Variants in PROX1 observed in about 807,000 individuals in gnomAD.
PROX1 encodes prospero homeobox protein 1.
A neutral mutation model predicts 58.8 loss-of-function variants in PROX1; 7 were observed. The ratio of observed to expected loss-of-function variants is 0.12; its 90% CI spans 0.07 to 0.22. PROX1 has a LOEUF of 0.22. Ranked by LOEUF, PROX1 falls within the 10% of genes least tolerant of loss-of-function variation. The probability of loss-of-function intolerance (pLI) is 1.00; values close to 1 mark genes in which losing one functional copy is unlikely to be tolerated. For synonymous variants in PROX1, 350 were observed against 358.3 expected (o/e 0.98, Z 0.26); for missense variants, 675 against 927.8 (o/e 0.73, Z 3.54).
chr1:214,036,002 T>A lies in PROX1; in HGVS notation c.*168T>A. Reference sequence around the variant, plus strand: ...ATCACGTTTCTCTCATTTTCTTTTGTTTTCCATTGCAAGGGGATGGTTGTT... The same window carrying A: ...ATCACGTTTCTCTCATTTTCTTTTGATTTCCATTGCAAGGGGATGGTTGTT... On this transcript the variant is annotated 3_prime_UTR_variant, in exon 5 of 5. Transcript: ENST00000366958. The A allele has an allele frequency of 1.7e-6, 1 of 576,482 alleles. No homozygotes were observed. Among genetic ancestry groups the A allele is most frequent in the South Asian group, 4.5e-5 (1 of 22,212 alleles). 35.7% of individuals were successfully genotyped at this position (576,482 alleles called of 1,614,324 possible).
chr1:214,036,993 T>G lies in PROX1; in HGVS notation c.*1159T>G, dbSNP rs1233757595. 6.6e-6 allele frequency: 1 copy of G among 152,262 alleles called. No individual in the cohort carries two copies. The highest frequency in any genetic ancestry group is 1.5e-5 in the Non-Finnish European group (1 of 68,050). 9.4% of individuals were successfully genotyped at this position (152,262 alleles called of 1,614,324 possible). ...AGGTATAACATTTTAAAGCAATTGA[T>G]AATGCCTCTTCCAATTCAGAAGCTA... is the stretch of plus-strand genomic sequence containing the variant. On this transcript the variant is annotated 3_prime_UTR_variant, in exon 5 of 5. Coordinates refer to ENST00000366958, the MANE Select transcript of PROX1 (RefSeq NM_001270616.2).
At chr1:214,008,320 G>T (rs1398176278) in intron 3 of PROX1, among the ~76,000 whole-genome samples, 1 of 152,062 alleles carries the variant, frequency 6.6e-6, no homozygotes, top group Non-Finnish European at 1.5e-5. Context: ...GTCCCAAAGT[G>T]CTGGGATTAC....
intron 4 of PROX1, among the ~76,000 whole-genome samples, chr1:214,026,087 CAG>C (rs1283682433): frequency 6.6e-6 from 1 of 151,846 alleles, no homozygotes; most frequent in Admixed American, 6.6e-5. Context: ...TGTAGTATCT[CAG>C]GGGGAGAGAA....
Position 214,036,116 on chromosome 1 carries a change from G to A in PROX1, c.*282G>A. 4.1e-6 allele frequency: 1 copy of A among 241,042 alleles called. No individual in the cohort carries two copies. The highest frequency in any genetic ancestry group is 8.0e-6 in the Non-Finnish European group (1 of 125,116). The allele number at this position is 241,042 out of a possible 1,614,324, so 14.9% of individuals were successfully genotyped here. On this transcript the variant is annotated 3_prime_UTR_variant, in exon 5 of 5. Coordinates refer to ENST00000366958, the MANE Select transcript of PROX1 (RefSeq NM_001270616.2). ...TAATTTTCAGGGAAAAAGAATGTTG[G>A]CGTGTGTAAAGTCTCTATTAGCAAT...
intron 3 of PROX1, among the ~76,000 whole-genome samples, chr1:214,005,591 T>C (rs1453285965): frequency 2.0e-5 from 3 of 152,306 alleles, no homozygotes; most frequent in Middle Eastern, 3.4e-3. Flanking sequence ...TTAGAGAATG[T>C]TTTTTCCCTC....
In PROX1 at chr1:213,988,205, C is replaced by T. The variant is rs1017099162; in HGVS notation, c.-346C>T. On this transcript the variant is annotated 5_prime_UTR_variant, in exon 1 of 5. Transcript: ENST00000366958. ...CTCTTCTTTTCTTCTCCTCTTCTTC[C>T]CTCTCCTCGCCTCTCCCCTGCTCCT... The T allele has an allele frequency of 1.2e-4, 18 of 152,300 alleles. No homozygotes were observed. Among genetic ancestry groups the T allele is most frequent in the Non-Finnish European group, 2.6e-4 (18 of 68,548 alleles). The allele number at this position is 152,300 out of a possible 1,614,324, so 9.4% of individuals were successfully genotyped here.
rs1411559142 is a variant in PROX1 at position 214,037,174 on chromosome 1, A to T, written c.*1340A>T. 2 of 152,154 alleles carry T rather than the reference A, an allele frequency of 1.3e-5. No homozygotes were observed. The highest frequency in any genetic ancestry group is 2.9e-5 in the Non-Finnish European group (2 of 68,026). The allele number at this position is 152,154 out of a possible 1,614,324, so 9.4% of individuals were successfully genotyped here. A position where few individuals can be genotyped will look rare whatever the true frequency, so the allele number is the denominator to read the frequency against. ...CCCTTTTATTTTTCCCTGTTTTTCA[A>T]TGATGTACAGTGTTCCCTACTTGCA... On this transcript the variant is annotated 3_prime_UTR_variant, in exon 5 of 5. Coordinates refer to ENST00000366958, the MANE Select transcript of PROX1 (RefSeq NM_001270616.2).
chr1:214,001,928 A>G (rs770554126), intron 2 of PROX1, among the ~76,000 whole-genome samples: 10 of 152,058 alleles, frequency 6.6e-5, no homozygotes, highest in Non-Finnish European at 1.5e-4. Context: ...AGTGGGAGTT[A>G]CGACTTGCTC....
intron 1 of PROX1, among the ~76,000 whole-genome samples, chr1:213,990,070 G>A (rs553950838): frequency 1.4e-5 from 2 of 145,900 alleles, no homozygotes; most frequent in African/African-American, 5.1e-5. Context: ...TGGCCTCCTC[G>A]CAAAGTCAAG....
rs1664935648 is a variant in PROX1 at position 214,039,510 on chromosome 1, A to T, written c.*3676A>T. On this transcript the variant is annotated 3_prime_UTR_variant, in exon 5 of 5. Coordinates refer to ENST00000366958, the MANE Select transcript of PROX1 (RefSeq NM_001270616.2). ...GCAAGAGGGGAACTTTTATAAAGCA[A>T]TGTAAATATTTAACCTCATGGCTGT... is the stretch of plus-strand genomic sequence containing the variant. 1 of 152,224 alleles carries T rather than the reference A, an allele frequency of 6.6e-6. No individual in the cohort carries two copies. Among genetic ancestry groups the T allele is most frequent in the Non-Finnish European group, 1.5e-5 (1 of 68,042 alleles). The allele number at this position is 152,224 out of a possible 1,614,324, so 9.4% of individuals were successfully genotyped here.
chr1:214,005,084 T>A (rs540565084), intron 2 of PROX1, 81 bp from the exon 3 acceptor site: 2 of 1,091,496 alleles, frequency 1.8e-6, no homozygotes, highest in African/African-American at 3.1e-5. Context: ...CCCCAGACTC[T>A]ATGGAGGTGG....
rs753142345 is a variant in PROX1, at chr1:213,998,035, C to T, written c.1500C>T (p.Pro500=). The stretch of plus-strand genomic sequence containing the variant: ...CATTTCAGAGCCCATTAGGTGCTCC[C>T]TCCGGCTCCTTCTCTGGAAAAGACA... ...AYPFQSPLGA[P]SGSFSGKDRA... The change falls in exon 2 of 5, where the codon CCC becomes CCT. Residue 500 remains proline, a synonymous_variant. Transcript: ENST00000366958. 1.9e-6 allele frequency: 3 copies of T among 1,612,006 alleles called. No individual in the cohort carries two copies. The highest frequency in any genetic ancestry group is 1.7e-5 in the Admixed American group (1 of 59,874).
chr1:214,030,101 A>G (rs1664594992), intron 4 of PROX1: 1 of 152,618 alleles, frequency 6.6e-6, no homozygotes, highest in African/African-American at 2.4e-5. Flanking sequence ...CAAGGCGAGC[A>G]GTGAAGAGTA....
At chr1:214,000,043 T>TAC (rs10536742) in intron 2 of PROX1, among the ~76,000 whole-genome samples, 2,431 of 149,240 alleles carry the variant, frequency 0.016, 24 homozygotes, top group East Asian at 0.048. Context: ...CTCTCTCTCT[T>TAC]ACACACACAC....
intron 1 of PROX1, chr1:213,989,609 A>T (rs2102676586): frequency 6.6e-6 from 1 of 151,866 alleles, no homozygotes; most frequent in East Asian, 2.0e-4. Context: ...GAGGGAGGGA[A>T]GAGCTGCTAT....
rs1423141755 is a variant in PROX1 at position 214,036,761 on chromosome 1, A to T, written c.*927A>T. 6.6e-6 allele frequency: 1 copy of T among 152,194 alleles called. No individual in the cohort carries two copies. The highest frequency in any genetic ancestry group is 2.4e-5 in the African/African-American group (1 of 41,458). 9.4% of individuals were successfully genotyped at this position (152,194 alleles called of 1,614,324 possible). A position where few individuals can be genotyped will look rare whatever the true frequency, so the allele number is the denominator to read the frequency against. On this transcript the variant is annotated 3_prime_UTR_variant, in exon 5 of 5. Coordinates refer to ENST00000366958, the MANE Select transcript of PROX1 (RefSeq NM_001270616.2). ...TAACAATTTTTTCCCCTAAAATACT[A>T]TTTTCTGAATACTTCCTTCCAGTAA... is the stretch of plus-strand genomic sequence containing the variant.
intron 3 of PROX1, among the ~76,000 whole-genome samples, chr1:214,008,263 G>A (rs963690364): frequency 4.0e-5 from 6 of 151,878 alleles, no homozygotes; most frequent in African/African-American, 7.3e-5. Context: ...CCATGTTGGC[G>A]AAGCTTGTCT....
At chr1:214,029,614 C>G (rs1197437440) in intron 4 of PROX1, 1 of 152,168 alleles carries the variant, frequency 6.6e-6, no homozygotes, top group Non-Finnish European at 1.5e-5. Flanking sequence ...TTTTTCAGAG[C>G]TGCTTCAGCA....
intron 4 of PROX1, among the ~76,000 whole-genome samples, chr1:214,023,753 T>G (rs925352077): frequency 2.0e-5 from 3 of 152,236 alleles, no homozygotes; most frequent in African/African-American, 4.8e-5. Context: ...TTATGGCTAT[T>G]GCACCTAAGT....
Sources: gnomAD v4.1 joint callset for allele counts (sites outside exome capture counted in the v4.1 genomes callset) on GRCh38, gnomAD v4.1.1 for gene constraint, MANE v1.5 for transcripts, NCBI Gene and HGNC (gene_info 2026-07-23, HGNC 2026-07-21) for gene names.